The following CRHR1 variants were observed in gnomAD, a reference collection of about 807,000 sequenced individuals.
CRHR1 encodes corticotropin releasing hormone receptor 1.
In CRHR1, 28 loss-of-function variants were observed where a neutral mutation model predicts 56.0. The observed-to-expected ratio is 0.50, with a 90% CI of 0.37 to 0.69. The LOEUF (loss-of-function observed/expected upper bound fraction) is 0.69, where lower values mean the gene tolerates loss of function less well. Among genes scored for constraint, CRHR1 ranks in the 30% least tolerant of loss-of-function variants. The pLI is 0.00. For synonymous variants in CRHR1, 195 were observed against 216.5 expected (o/e 0.90, Z 0.87); for missense variants, 376 against 548.0 (o/e 0.69, Z 3.13).
chr17:45,824,132 A>G (rs2062105725), intron 4 of CRHR1, among the ~76,000 whole-genome samples: 1 of 152,138 alleles, frequency 6.6e-6, no homozygotes, highest in African/African-American at 2.4e-5. Context: ...GTTGGGCCAG[A>G]GGAGATGGCC....
At chr17:45,833,234 A>G (rs1439855134) in intron 9 of CRHR1, 24 bp downstream of exon 9, 2 of 1,611,286 alleles carry the variant, frequency 1.2e-6, no homozygotes, top group East Asian at 2.2e-5. Context: ...TAGGGGCAGG[A>G]GACAGGGCCC....
chr17:45,834,883 C>A lies in CRHR1; in HGVS notation c.*119C>A. The A allele has an allele frequency of 7.2e-7, 1 of 1,384,656 alleles. No individual in the cohort carries two copies. Among genetic ancestry groups the A allele is most frequent in the Non-Finnish European group, 9.9e-7 (1 of 1,013,742 alleles). The allele number at this position is 1,384,656 out of a possible 1,614,324, so 85.8% of individuals were successfully genotyped here. A position where few individuals can be genotyped will look rare whatever the true frequency, so the allele number is the denominator to read the frequency against. On this transcript the variant is annotated 3_prime_UTR_variant, in exon 13 of 13. Coordinates refer to ENST00000314537, the MANE Select transcript of CRHR1 (RefSeq NM_004382.5). ...GGTCTCATGCCCACTCCCCCAGGAGCAGCTGGCACTGACAGCCTGGGGGGG... is the reference window on the plus strand; with the variant it reads ...GGTCTCATGCCCACTCCCCCAGGAGAAGCTGGCACTGACAGCCTGGGGGGG...
At chr17:45,788,723 A>T (rs2061377356) in intron 1 of CRHR1, among the ~76,000 whole-genome samples, 1 of 152,234 alleles carries the variant, frequency 6.6e-6, no homozygotes, top group Non-Finnish European at 1.5e-5. Flanking sequence ...GCTCTTGGAC[A>T]TGCAATATAT....
chr17:45,792,702 CT>C (rs908183101), intron 1 of CRHR1, among the ~76,000 whole-genome samples: 2 of 152,266 alleles, frequency 1.3e-5, no homozygotes, highest in Admixed American at 1.3e-4. Flanking sequence ...TTGTTCTCAC[CT>C]CATCCCGTCC....
intron 1 of CRHR1, among the ~76,000 whole-genome samples, chr17:45,786,635 C>A (rs199569569): frequency 8.1e-6 from 1 of 123,060 alleles, no homozygotes; most frequent in East Asian, 2.8e-4. Context: ...CAGAAAATAT[C>A]CTTTTTTTTT....
intron 3 of CRHR1, among the ~76,000 whole-genome samples, chr17:45,819,884 C>T (rs1374974879): frequency 6.6e-6 from 1 of 152,236 alleles, no homozygotes; most frequent in East Asian, 1.9e-4. Flanking sequence ...GAGGCCAGGA[C>T]GGGCTCCCTA....
chr17:45,785,593 C>A (rs1281920347), intron 1 of CRHR1, among the ~76,000 whole-genome samples: 1 of 152,198 alleles, frequency 6.6e-6, no homozygotes, highest in Non-Finnish European at 1.5e-5. Context: ...ACCAGCTTGA[C>A]CCGGCTCAGG....
chr17:45,801,865 C>T (rs796436400), intron 1 of CRHR1, among the ~76,000 whole-genome samples: 2 of 152,260 alleles, frequency 1.3e-5, no homozygotes, highest in African/African-American at 4.8e-5. Flanking sequence ...CTGTAGTTCC[C>T]ACTGTTTCAG....
intron 1 of CRHR1, among the ~76,000 whole-genome samples, chr17:45,805,404 A>G (rs1451657400): frequency 6.6e-6 from 1 of 151,840 alleles, no homozygotes; most frequent in African/African-American, 2.4e-5. Context: ...TCTAGCCTAC[A>G]CCCTAGAAGT....
chr17:45,806,687 T>A (rs1269092909), intron 1 of CRHR1, among the ~76,000 whole-genome samples: 1 of 152,128 alleles, frequency 6.6e-6, no homozygotes, highest in Admixed American at 6.5e-5. Context: ...TCCATGGGGA[T>A]GGAGGTGGCT....
At chr17:45,798,446 A>G (rs576988125) in intron 1 of CRHR1, among the ~76,000 whole-genome samples, 100 of 150,866 alleles carry the variant, frequency 6.6e-4, no homozygotes, top group African/African-American at 2.4e-3. Context: ...GAATCTCTTT[A>G]ACCCAGGAGG....
At position 45,784,337 on chromosome 17, in the gene CRHR1, C is replaced by T. The variant is rs1343117462; in HGVS notation, c.-208C>T. ...GCTGCGTCGGGAAACGGCGGCCAGA[C>T]TTCCCCGGGAAGGGGCGAGCGAGAG... On this transcript the variant is annotated 5_prime_UTR_variant, in exon 1 of 13. Transcript: ENST00000314537. The surrounding 1 kb of genome is among the most constrained non-coding windows in gnomAD (Gnocchi z 4.2). The T allele has an allele frequency of 4.6e-5, 14 of 305,052 alleles. No homozygotes were observed. Among genetic ancestry groups the T allele is most frequent in the Non-Finnish European group, 8.2e-5 (14 of 170,442 alleles). 18.9% of individuals were successfully genotyped at this position (305,052 alleles called of 1,614,324 possible). A position where few individuals can be genotyped will look rare whatever the true frequency, so the allele number is the denominator to read the frequency against.
At chr17:45,795,106 T>G (rs2061494739) in intron 1 of CRHR1, among the ~76,000 whole-genome samples, 1 of 148,004 alleles carries the variant, frequency 6.8e-6, no homozygotes, top group Non-Finnish European at 1.5e-5. Flanking sequence ...GGGGAAGGAG[T>G]TCCCATCTGC....
intron 4 of CRHR1, among the ~76,000 whole-genome samples, chr17:45,824,178 C>T (rs1038448680): frequency 6.6e-5 from 10 of 152,112 alleles, no homozygotes; most frequent in Admixed American, 1.3e-4. Context: ...TGGGCAAGAC[C>T]GTTCAGGGAT....
intron 2 of CRHR1, 97 bp from the exon 3 acceptor site, chr17:45,816,366 C>T (rs1043520332): frequency 1.7e-5 from 26 of 1,519,924 alleles, no homozygotes; most frequent in Admixed American, 3.8e-5. Flanking sequence ...TGAGTGGGAA[C>T]GAGTGGGGAG....
chr17:45,819,296 G>C (rs2061991063), intron 3 of CRHR1, among the ~76,000 whole-genome samples: 1 of 152,246 alleles, frequency 6.6e-6, no homozygotes, highest in Non-Finnish European at 1.5e-5. Context: ...CTCACTTACA[G>C]AGGAGGAAGC....
At chr17:45,786,672 C>T (rs1382118433) in intron 1 of CRHR1, among the ~76,000 whole-genome samples, 1 of 142,870 alleles carries the variant, frequency 7.0e-6, no homozygotes, top group Non-Finnish European at 1.5e-5. Flanking sequence ...CAGGGTCCCA[C>T]TCTGTCGCCC....
At chr17:45,830,794 C>G in intron 7 of CRHR1, 86 bp from the exon 8 acceptor site, 1 of 1,410,582 alleles carries the variant, frequency 7.1e-7, no homozygotes, top group Admixed American at 1.9e-5. Context: ...CCCAGACCCC[C>G]TGGAGCCTGG....
At chr17:45,795,099 G>A (rs2061494647) in intron 1 of CRHR1, among the ~76,000 whole-genome samples, 1 of 148,392 alleles carries the variant, frequency 6.7e-6, no homozygotes, top group South Asian at 2.1e-4. Flanking sequence ...TGAGTCAGGG[G>A]AAGGAGTTCC....
Sources: gnomAD v4.1 joint callset for allele counts (sites outside exome capture counted in the v4.1 genomes callset) on GRCh38, gnomAD v4.1.1 for gene constraint, Gnocchi (gnomAD v3.1) non-coding constraint, MANE v1.5 for transcripts, NCBI Gene and HGNC (gene_info 2026-07-23, HGNC 2026-07-21) for gene names.